Variants in PALLD observed in about 807,000 individuals in gnomAD.
The protein encoded by PALLD is palladin.
Under a neutral mutation model 123.5 loss-of-function variants are expected in PALLD, and 61 were observed. The ratio of observed to expected loss-of-function variants is 0.49; its 90% CI spans 0.40 to 0.61. PALLD has a LOEUF of 0.61. Among genes scored for constraint, PALLD ranks in the 20% least tolerant of loss-of-function variants. PALLD has a pLI of 0.00. For missense variants in PALLD, 1,273 were observed against 1,377.0 expected (o/e 0.92, Z 1.20); for synonymous variants, 465 against 496.4 (o/e 0.94, Z 0.84).
intron 10 of PALLD, among the ~76,000 whole-genome samples, chr4:168,778,836 A>AT (rs1735518527): frequency 6.6e-6 from 1 of 152,146 alleles, no homozygotes; most frequent in African/African-American, 2.4e-5. Context: ...TGTTTATTTA[A>AT]TTTTTGTACA....
chr4:168,712,752 G>A (rs1364638738), intron 10 of PALLD, among the ~76,000 whole-genome samples: 1 of 152,142 alleles, frequency 6.6e-6, no homozygotes, highest in African/African-American at 2.4e-5. Context: ...ATTCCCATGA[G>A]AATGTATTTG....
chr4:168,909,608 T>C (rs2151369192), intron 15 of PALLD, among the ~76,000 whole-genome samples: 1 of 152,296 alleles, frequency 6.6e-6, no homozygotes, highest in Admixed American at 6.5e-5. Context: ...CTCTAAACAT[T>C]CCCTTCCATT....
chr4:168,887,903 GTTAACAGCACTGTGA>G (rs1163412998), intron 10 of PALLD, among the ~76,000 whole-genome samples: 1 of 152,138 alleles, frequency 6.6e-6, no homozygotes, highest in Admixed American at 6.5e-5. Flanking sequence ...TTGAGTGTCT[GTTAACAGCACTGTGA>G]TTAACAAAGG....
chr4:168,710,397 T>G (rs1294585041), intron 9 of PALLD, among the ~76,000 whole-genome samples: 1 of 152,210 alleles, frequency 6.6e-6, no homozygotes. Flanking sequence ...AATATGTTTT[T>G]GACCAAGCCT....
chr4:168,816,817 C>CGTGT (rs61010592), intron 10 of PALLD, among the ~76,000 whole-genome samples: 81 of 111,024 alleles, frequency 7.3e-4, no homozygotes, highest in East Asian at 2.7e-3. Context: ...GAGCTAGCCC[C>CGTGT]GTGTGTGTGT....
Position 168,797,725 on chromosome 4 carries a change from A to G in PALLD, c.1964+85802A>G, listed in dbSNP as rs149491295. On this transcript the variant is annotated intron_variant, in intron 10 of 21. Coordinates refer to ENST00000505667, the MANE Select transcript of PALLD (RefSeq NM_001166108.2). Reference sequence around the variant, plus strand: ...AGAAAAATATGTTAATTTAAAAAATATCAGAGACCAAATGAGAAGTTGAAC... The same window carrying G: ...AGAAAAATATGTTAATTTAAAAAATGTCAGAGACCAAATGAGAAGTTGAAC... 8.2e-3 allele frequency among the ~76,000 whole-genome samples: 1,246 copies of G among 152,266 alleles called. 33 individuals carry two copies. Among genetic ancestry groups the G allele is most frequent in the Admixed American group, 0.054 (828 of 15,278 alleles).
At chr4:168,783,451 G>A (rs1425677789) in intron 10 of PALLD, among the ~76,000 whole-genome samples, 6 of 152,096 alleles carry the variant, frequency 3.9e-5, no homozygotes, top group Non-Finnish European at 7.3e-5. Flanking sequence ...TTCTAAAGAC[G>A]GGAGAGACAG....
intron 10 of PALLD, among the ~76,000 whole-genome samples, chr4:168,856,038 C>T (rs145832599): frequency 1.4e-3 from 220 of 152,336 alleles, no homozygotes; most frequent in African/African-American, 5.0e-3. Flanking sequence ...CAGTGTCTGT[C>T]GTTCCCATCT....
At chr4:168,526,660 C>T (rs6847368) in intron 2 of PALLD, among the ~76,000 whole-genome samples, 66,173 of 151,890 alleles carry the variant, frequency 0.44, 15,361 homozygotes, top group African/African-American at 0.6. Flanking sequence ...CATCTGTGCT[C>T]AAAGCCAATG....
chr4:168,731,613 G>A (rs549642882), intron 10 of PALLD, among the ~76,000 whole-genome samples: 4 of 152,246 alleles, frequency 2.6e-5, no homozygotes, highest in East Asian at 1.9e-4. Context: ...GTTATTTGAC[G>A]CACATATAGA....
chr4:168,620,862 A>C (rs900546473), intron 2 of PALLD, among the ~76,000 whole-genome samples: 4 of 152,256 alleles, frequency 2.6e-5, no homozygotes, highest in Non-Finnish European at 5.9e-5. Flanking sequence ...AACAAATGTT[A>C]CTTTCCCCCA....
At chr4:168,734,015 G>A (rs1581197246) in intron 10 of PALLD, among the ~76,000 whole-genome samples, 1 of 152,270 alleles carries the variant, frequency 6.6e-6, no homozygotes, top group East Asian at 1.9e-4. Context: ...GATTACAGGC[G>A]TTGAGCCACC....
chr4:168,728,640 TATC>T lies in PALLD; in HGVS notation c.1964+16719_1964+16721del, dbSNP rs576366522. 3.3e-4 allele frequency among the ~76,000 whole-genome samples: 50 copies of T among 152,340 alleles called. No individual in the cohort carries two copies. The East Asian group carries it at 9.2e-3, about 28-fold the overall frequency. ...GAATTTTCTAGATATCGAATCATAT[TATC>T]AGTGAAAAGAGATAATTTGAATTCC... On this transcript the variant is annotated intron_variant, in intron 10 of 21. Transcript: ENST00000505667.
chr4:168,694,239 G>A (rs1457661796), intron 8 of PALLD, among the ~76,000 whole-genome samples: 1 of 152,188 alleles, frequency 6.6e-6, no homozygotes, highest in Non-Finnish European at 1.5e-5. Context: ...GTGGAAGGAA[G>A]AAAAACAGAC....
chr4:168,613,799 A>C (rs1156356401), intron 2 of PALLD, among the ~76,000 whole-genome samples: 2 of 152,210 alleles, frequency 1.3e-5, no homozygotes, highest in African/African-American at 4.8e-5. Flanking sequence ...AAAATGGGAG[A>C]ATTCGATTAA....
intron 2 of PALLD, among the ~76,000 whole-genome samples, chr4:168,519,756 A>G (rs1012555882): frequency 6.6e-6 from 1 of 152,186 alleles, no homozygotes. Context: ...GCTTCCTGTC[A>G]CTATCTCACC....
chr4:168,541,472 T>TTTATTTAG (rs1339293822), intron 2 of PALLD, among the ~76,000 whole-genome samples: 1 of 151,442 alleles, frequency 6.6e-6, no homozygotes, highest in African/African-American at 2.4e-5. Context: ...TATTTATTTA[T>TTTATTTAG]TTATTTATTT....
At chr4:168,519,019 G>A (rs1763272347) in intron 2 of PALLD, among the ~76,000 whole-genome samples, 3 of 152,182 alleles carry the variant, frequency 2.0e-5, no homozygotes, top group Admixed American at 1.3e-4. Flanking sequence ...AAACTCATAA[G>A]CATAAAATCA....
intron 10 of PALLD, among the ~76,000 whole-genome samples, chr4:168,883,882 G>C (rs2151154542): frequency 6.6e-6 from 1 of 151,428 alleles, no homozygotes; most frequent in South Asian, 2.1e-4. Context: ...TTTTTGTGAA[G>C]AGTTCTGGTT....
Sources: allele counts gnomAD v4.1 joint callset (sites outside exome capture counted in the v4.1 genomes callset), GRCh38; gene constraint gnomAD v4.1.1; transcripts MANE v1.5; gene names NCBI Gene and HGNC (gene_info 2026-07-23, HGNC 2026-07-21).